PIP4K2B: variants seen among roughly 807,000 people sequenced by gnomAD.
PIP4K2B encodes the protein phosphatidylinositol 5-phosphate 4-kinase type-2 beta.
A neutral mutation model predicts 42.0 loss-of-function variants in PIP4K2B; 3 were observed. That is an observed-to-expected ratio of 0.07 (90% CI 0.03 to 0.18). The LOEUF (loss-of-function observed/expected upper bound fraction) is 0.18. Ranked by LOEUF, PIP4K2B falls within the 10% of genes least tolerant of loss-of-function variation. The pLI is 1.00. For synonymous variants in PIP4K2B, 204 were observed against 210.1 expected (o/e 0.97, Z 0.25); for missense variants, 332 against 562.3 (o/e 0.59, Z 4.14).
In PIP4K2B at chr17:38,769,620, A is replaced by G; in HGVS notation, c.*71T>C. On this transcript the variant is annotated 3_prime_UTR_variant, in exon 10 of 10. Transcript: ENST00000619039. ...CCACCCTCCCATCTAGCCCAAATACACCCTTCTCCCTAACTCCCGATCCCC... is the reference window on the plus strand; with the variant it reads ...CCACCCTCCCATCTAGCCCAAATACGCCCTTCTCCCTAACTCCCGATCCCC... 1 of 909,240 alleles carries G rather than the reference A, an allele frequency of 1.1e-6. No homozygotes were observed. The highest frequency in any genetic ancestry group is 1.9e-6 in the Non-Finnish European group (1 of 536,700). 56.3% of individuals were successfully genotyped at this position (909,240 alleles called of 1,614,324 possible). A position where few individuals can be genotyped will look rare whatever the true frequency, so the allele number is the denominator to read the frequency against.
rs1306465028 is a variant in PIP4K2B at position 38,767,176 on chromosome 17, G to T, written c.*2515C>A. On this transcript the variant is annotated 3_prime_UTR_variant, in exon 10 of 10. Coordinates refer to ENST00000619039, the MANE Select transcript of PIP4K2B (RefSeq NM_003559.5). ...CCCTCGACTGCCCAGTAAAAGAATG[G>T]CGGGACCCAAGGAGGAAAGAGTGGG... 1 of 152,236 alleles carries T rather than the reference G, an allele frequency of 6.6e-6. No homozygotes were observed. The highest frequency in any genetic ancestry group is 1.5e-5 in the Non-Finnish European group (1 of 68,062). The allele number at this position is 152,236 out of a possible 1,614,324, so 9.4% of individuals were successfully genotyped here. A position where few individuals can be genotyped will look rare whatever the true frequency, so the allele number is the denominator to read the frequency against.
intron 5 of PIP4K2B, 92 bp from the exon 6 acceptor site, chr17:38,778,464 G>A (rs1177725285): frequency 2.2e-5 from 26 of 1,170,688 alleles, no homozygotes; most frequent in Non-Finnish European, 3.1e-5. Flanking sequence ...AACTCAAGTA[G>A]GCTTGTTAGA....
At chr17:38,777,542 C>T (rs1909430447) in intron 7 of PIP4K2B, 145 bp downstream of exon 7, 1 of 636,324 alleles carries the variant, frequency 1.6e-6, no homozygotes, top group Non-Finnish European at 2.8e-6. Context: ...GCTTTAGGTG[C>T]CCATAAGTGC....
rs780216415 is a variant in PIP4K2B, at chr17:38,784,291, C to A, written c.306G>T (p.Val102=). The change falls in exon 3 of 10, where the codon GTG becomes GTT. Residue 102 remains valine (V), a synonymous_variant. Transcript: ENST00000619039. ...RFKFKEYCPM[V]FRNLRERFGI... Reference sequence around the variant, plus strand: ...CAAACCTCTCCCGAAGGTTTCGGAACACCATGGGGCAATACTCCTTAAACT... The same window carrying A: ...CAAACCTCTCCCGAAGGTTTCGGAAAACCATGGGGCAATACTCCTTAAACT... The A allele has an allele frequency of 6.2e-7, 1 of 1,613,962 alleles. No individual in the cohort carries two copies. Among genetic ancestry groups the A allele is most frequent in the South Asian group, 1.1e-5 (1 of 91,082 alleles).
Position 38,777,598 on chromosome 17 carries a change from T to A in PIP4K2B, c.807+89A>T, listed in dbSNP as rs1456614339. On this transcript the variant is annotated intron_variant, in intron 7 of 9. Transcript: ENST00000619039. Reference sequence around the variant, plus strand: ...CCCTTTTGTCCATACTCCTGGAAAGTACTGAATTCCATTCTTCTTAAGGTT... The same window carrying A: ...CCCTTTTGTCCATACTCCTGGAAAGAACTGAATTCCATTCTTCTTAAGGTT... 6 of 879,800 alleles carry A rather than the reference T, an allele frequency of 6.8e-6. No homozygotes were observed. In the East Asian group the frequency reaches 1.4e-4, roughly 21 times the overall value. The allele number at this position is 879,800 out of a possible 1,614,324, so 54.5% of individuals were successfully genotyped here.
At chr17:38,775,243 G>A (rs1325106110) in intron 7 of PIP4K2B, among the ~76,000 whole-genome samples, 1 of 151,954 alleles carries the variant, frequency 6.6e-6, no homozygotes, top group Non-Finnish European at 1.5e-5. Context: ...GTGAGCCACC[G>A]CGCCTAGCTT....
intron 1 of PIP4K2B, among the ~76,000 whole-genome samples, chr17:38,795,099 C>CAAAAAAAAAAAAAAAAA (rs61707682): frequency 7.2e-5 from 3 of 41,496 alleles, no homozygotes; most frequent in Non-Finnish European, 8.8e-5. Context: ...AACTCCATCT[C>CAAAAAAAAAAAAAAAAA]AAAAAAAAAA....
chr17:38,783,314 T>C (rs892233796), intron 3 of PIP4K2B, among the ~76,000 whole-genome samples: 1 of 151,662 alleles, frequency 6.6e-6, no homozygotes. Context: ...CAAGGAGATG[T>C]GCTAAGAGGA....
rs746650383 is a variant in PIP4K2B, at chr17:38,799,463, G to A, written c.-39C>T. ...GCGGCGGCGGCGAAAGAGGGGGGCG[G>A]CGGAGACAGCGCACAAGCCAGCGGC... On this transcript the variant is annotated 5_prime_UTR_variant, in exon 1 of 10. Transcript: ENST00000619039. This position sits in a 1 kb window ranked among gnomAD's most constrained non-coding sequence, Gnocchi z 4.4. 5.5e-5 allele frequency: 83 copies of A among 1,522,546 alleles called. No homozygotes were observed. The highest frequency in any genetic ancestry group is 2.1e-4 in the Admixed American group (10 of 47,010). The allele number at this position is 1,522,546 out of a possible 1,614,324, so 94.3% of individuals were successfully genotyped here. A position where few individuals can be genotyped will look rare whatever the true frequency, so the allele number is the denominator to read the frequency against.
At chr17:38,774,940 TTGTGTGTGTG>T (rs144917475) in intron 7 of PIP4K2B, among the ~76,000 whole-genome samples, 1 of 149,508 alleles carries the variant, frequency 6.7e-6, no homozygotes, top group Non-Finnish European at 1.5e-5. Context: ...TAATCAGTTT[TTGTGTGTGTG>T]TGTGTGTGTG....
At chr17:38,778,655 A>G (rs1909505867) in intron 5 of PIP4K2B, among the ~76,000 whole-genome samples, 1 of 152,206 alleles carries the variant, frequency 6.6e-6, no homozygotes, top group African/African-American at 2.4e-5. Context: ...CAGTGGTTCC[A>G]CAAGTCATTA....
chr17:38,787,721 G>A (rs1012165866), intron 1 of PIP4K2B, among the ~76,000 whole-genome samples: 2 of 152,228 alleles, frequency 1.3e-5, no homozygotes, highest in South Asian at 4.1e-4. Flanking sequence ...AGCCTCCCAA[G>A]TAGCTGGGAT....
intron 1 of PIP4K2B, among the ~76,000 whole-genome samples, chr17:38,787,864 T>C (rs562840612): frequency 5.3e-5 from 8 of 152,250 alleles, no homozygotes; most frequent in Admixed American, 3.3e-4. Context: ...TCCCAAAGTG[T>C]TGGGATTACA....
At chr17:38,791,406 ATTTTTTTTTTTT>A (rs58027566) in intron 1 of PIP4K2B, among the ~76,000 whole-genome samples, 93 of 91,156 alleles carry the variant, frequency 1.0e-3, no homozygotes, top group African/African-American at 4.0e-3. Flanking sequence ...CAGACTGCCA[ATTTTTTTTTTTT>A]TTTTTTTTTT....
At chr17:38,794,661 A>G (rs1466408863) in intron 1 of PIP4K2B, among the ~76,000 whole-genome samples, 2 of 151,664 alleles carry the variant, frequency 1.3e-5, no homozygotes, top group African/African-American at 4.8e-5. Flanking sequence ...TTTTAGAAGA[A>G]AACAAAGGAG....
intron 1 of PIP4K2B, among the ~76,000 whole-genome samples, chr17:38,794,300 T>C (rs1322310654): frequency 6.6e-6 from 1 of 151,198 alleles, no homozygotes; most frequent in Non-Finnish European, 1.5e-5. Flanking sequence ...AAGAGTAGAA[T>C]GGTGGTTGCC....
rs1369371696 is a variant in PIP4K2B at position 38,792,052 on chromosome 17, T to C, written c.160-5132A>G. ...CGGAGCTTGCAGTGAGCCGAGTTCA[T>C]GCCACTGTGCTCCAGCCTGGGTGAC... On this transcript the variant is annotated intron_variant, in intron 1 of 9. Transcript: ENST00000619039. Among the ~76,000 whole-genome samples, 3 of 151,546 alleles carry C rather than the reference T, an allele frequency of 2.0e-5. No individual in the cohort carries two copies. In the East Asian group the frequency reaches 5.9e-4, roughly 30 times the overall value.
intron 5 of PIP4K2B, among the ~76,000 whole-genome samples, 168 bp downstream of exon 5, chr17:38,779,215 C>T (rs531148572): frequency 6.6e-6 from 1 of 152,108 alleles, no homozygotes; most frequent in Non-Finnish European, 1.5e-5. Flanking sequence ...GTCACCTGGA[C>T]TTCAAACTGC....
At chr17:38,770,375 T>C (rs535797499) in intron 9 of PIP4K2B, 61 bp downstream of exon 9, 5 of 976,076 alleles carry the variant, frequency 5.1e-6, no homozygotes, top group Non-Finnish European at 8.2e-6. Flanking sequence ...CCCTGGGGTC[T>C]GAGGGTAAGC....
Sources: gnomAD v4.1 joint callset for allele counts (sites outside exome capture counted in the v4.1 genomes callset) on GRCh38, gnomAD v4.1.1 for gene constraint, Gnocchi (gnomAD v3.1) non-coding constraint, MANE v1.5 for transcripts, NCBI Gene and HGNC (gene_info 2026-07-23, HGNC 2026-07-21) for gene names.